RMDN2: variants seen among roughly 807,000 people sequenced by gnomAD.
RMDN2 encodes the protein regulator of microtubule dynamics 2.
A neutral mutation model predicts 52.8 loss-of-function variants in RMDN2; 61 were observed. The ratio of observed to expected loss-of-function variants is 1.16; its 90% CI spans 0.94 to 1.43. RMDN2 has a LOEUF of 1.43. Among genes scored for constraint, RMDN2 ranks in the 40% most tolerant of loss-of-function variants. The pLI is 0.00. For synonymous variants in RMDN2, 180 were observed against 153.1 expected, an observed-to-expected ratio of 1.18 and a Z score of -1.30; for missense variants, 592 against 475.3, an observed-to-expected ratio of 1.25 and a Z score of -2.28.
intron 10 of RMDN2, among the ~76,000 whole-genome samples, chr2:38,036,940 G>T (rs1159501281): frequency 3.3e-5 from 5 of 152,172 alleles, no homozygotes; most frequent in Non-Finnish European, 5.9e-5. Context: ...TGGCTTTATT[G>T]TCTATTTCCG....
intron 1 of RMDN2, 40 bp from the exon 2 acceptor site, chr2:37,929,222 C>T: frequency 8.3e-7 from 1 of 1,197,726 alleles, no homozygotes; most frequent in South Asian, 1.6e-5. Flanking sequence ...TGGACAAAGA[C>T]ATAAACAACA....
At chr2:37,925,111 A>C (rs894001205), upstream of RMDN2, among the ~76,000 whole-genome samples, 26 of 152,134 alleles carry the variant, frequency 1.7e-4, no homozygotes, top group South Asian at 1.0e-3. Flanking sequence ...CTTCGAAGGG[A>C]GGCGACGGCC....
At chr2:37,931,365 C>T (rs901192214) in intron 2 of RMDN2, among the ~76,000 whole-genome samples, 1 of 152,242 alleles carries the variant, frequency 6.6e-6, no homozygotes, top group East Asian at 1.9e-4. Flanking sequence ...TGAGAGTTAT[C>T]GAAGACAAAC....
Position 37,975,256 on chromosome 2 carries a change from T to C in RMDN2, c.672T>C (p.Tyr224=), listed in dbSNP as rs778257674. ...IEFMWRFARA[Y]GDMYELSTNT... ...TTATGTGGCGATTTGCTCGTGCTTA[T>C]GGAGACATGTATGAACTATCTACAA... The change falls in exon 4 of 11, where the codon TAT becomes TAC. Residue 224 remains tyrosine (Y), a synonymous_variant. Coordinates refer to ENST00000354545, the MANE Select transcript of RMDN2 (RefSeq NM_001170791.3). The C allele has an allele frequency of 6.2e-7, 1 of 1,611,796 alleles. No individual in the cohort carries two copies. The highest frequency in any genetic ancestry group is 8.5e-7 in the Non-Finnish European group (1 of 1,178,026).
At chr2:37,952,191 C>A in intron 2 of RMDN2, 1 of 1,613,036 alleles carries the variant, frequency 6.2e-7, no homozygotes, top group African/African-American at 1.3e-5. Flanking sequence ...TATTGAAATT[C>A]CTAAAATAAG....
intron 2 of RMDN2, among the ~76,000 whole-genome samples, chr2:37,932,592 G>A (rs1248753337): frequency 2.6e-5 from 4 of 151,350 alleles, no homozygotes; most frequent in Non-Finnish European, 5.9e-5. Context: ...CCTCCCAGAC[G>A]GGGTGGTGGC....
intron 10 of RMDN2, among the ~76,000 whole-genome samples, chr2:38,006,873 C>T (rs564765346): frequency 6.6e-6 from 1 of 152,132 alleles, no homozygotes; most frequent in East Asian, 1.9e-4. Context: ...TTTTGAGATA[C>T]GTCCCATCAA....
At chr2:37,936,233 C>A (rs992907082) in intron 2 of RMDN2, among the ~76,000 whole-genome samples, 1 of 152,098 alleles carries the variant, frequency 6.6e-6, no homozygotes, top group African/African-American at 2.4e-5. Flanking sequence ...TGATCTCATT[C>A]TTTTTTAGGG....
intron 5 of RMDN2, among the ~76,000 whole-genome samples, chr2:37,985,433 A>C (rs1047278735): frequency 3.9e-5 from 6 of 152,068 alleles, no homozygotes; most frequent in Non-Finnish European, 8.8e-5. Flanking sequence ...AATCCAGTAT[A>C]CCTGGATTGA....
At chr2:37,948,175 C>G (rs1410054816) in intron 2 of RMDN2, among the ~76,000 whole-genome samples, 1 of 152,132 alleles carries the variant, frequency 6.6e-6, no homozygotes, top group Non-Finnish European at 1.5e-5. Flanking sequence ...AGGACATACC[C>G]CGGACCTAGC....
chr2:38,005,777 C>T (rs1272353397), intron 10 of RMDN2, among the ~76,000 whole-genome samples: 1 of 152,154 alleles, frequency 6.6e-6, no homozygotes, highest in East Asian at 1.9e-4. Flanking sequence ...AGTCCTTGCC[C>T]ATGCCTATGT....
chr2:37,938,850 C>T (rs1179845921), intron 2 of RMDN2, among the ~76,000 whole-genome samples: 2 of 152,100 alleles, frequency 1.3e-5, no homozygotes, highest in South Asian at 2.1e-4. Flanking sequence ...AACACCAGCT[C>T]CTGGATTCAC....
chr2:37,955,118 C>G (rs945175435), intron 2 of RMDN2, among the ~76,000 whole-genome samples: 1 of 151,796 alleles, frequency 6.6e-6, no homozygotes, highest in African/African-American at 2.4e-5. Context: ...TTTTTCCTAC[C>G]TAAAGATTGT....
chr2:38,013,036 C>T (rs958923831), intron 10 of RMDN2, among the ~76,000 whole-genome samples: 1 of 152,204 alleles, frequency 6.6e-6, no homozygotes, highest in African/African-American at 2.4e-5. Flanking sequence ...AAGGTGTAAG[C>T]AGCTTTACAT....
intron 10 of RMDN2, among the ~76,000 whole-genome samples, chr2:38,007,646 C>T (rs549677267): frequency 6.8e-4 from 103 of 152,254 alleles, no homozygotes; most frequent in African/African-American, 2.5e-3. Flanking sequence ...TTGATCTTTT[C>T]AAAAAATCAG....
chr2:37,938,669 A>G (rs1667522129), intron 2 of RMDN2, among the ~76,000 whole-genome samples: 1 of 152,074 alleles, frequency 6.6e-6, no homozygotes, highest in Admixed American at 6.5e-5. Flanking sequence ...TAGATTTTCT[A>G]GTTTATTTGT....
At chr2:38,041,427 G>GTTTTTTTTTTTTTTTTTTTTTGTTTT (rs3057329) in intron 10 of RMDN2, among the ~76,000 whole-genome samples, 2 of 120,088 alleles carry the variant, frequency 1.7e-5, no homozygotes, top group Non-Finnish European at 3.3e-5. Flanking sequence ...TTTTTTATTG[G>GTTTTTTTTTTTTTTTTTTTTTGTTTT]TTTTTTTTTT....
chr2:37,994,144 C>T (rs1200946376), intron 7 of RMDN2, among the ~76,000 whole-genome samples: 10 of 152,120 alleles, frequency 6.6e-5, no homozygotes, highest in Admixed American at 6.5e-4. Context: ...AACAAGCCAA[C>T]AGTAATGACA....
At chr2:38,000,986 G>A (rs1676244258) in intron 8 of RMDN2, among the ~76,000 whole-genome samples, 1 of 152,194 alleles carries the variant, frequency 6.6e-6, no homozygotes, top group Non-Finnish European at 1.5e-5. Flanking sequence ...GAGGATGGGT[G>A]TGTGTAGTAA....
Sources: allele counts gnomAD v4.1 joint callset (sites outside exome capture counted in the v4.1 genomes callset), GRCh38; gene constraint gnomAD v4.1.1; transcripts MANE v1.5; gene names NCBI Gene and HGNC (gene_info 2026-07-23, HGNC 2026-07-21).